RAB40C: variants seen among roughly 807,000 people sequenced by gnomAD.
The protein encoded by RAB40C is RAB40C, member RAS oncogene family, also known as ras-related protein Rab-40C.
Under a neutral mutation model 28.1 loss-of-function variants are expected in RAB40C, and 8 were observed. The observed-to-expected ratio is 0.28, with a 90% CI of 0.17 to 0.51. The LOEUF (loss-of-function observed/expected upper bound fraction) is 0.51. RAB40C is among the 20% of genes least tolerant of loss of function. The probability of loss-of-function intolerance (pLI) is 0.97; values close to 1 mark genes in which losing one functional copy is unlikely to be tolerated. For synonymous variants in RAB40C, 201 were observed against 171.7 expected, an observed-to-expected ratio of 1.17 and a Z score of -1.34; for missense variants, 288 against 405.9, an observed-to-expected ratio of 0.71 and a Z score of 2.50.
Position 600,579 on chromosome 16 carries a change from C to T in RAB40C, c.142+10146C>T, listed in dbSNP as rs553530090. On this transcript the variant is annotated intron_variant, in intron 1 of 5. Transcript: ENST00000248139. ...CGTTCTGACCAACATGGTGAAACCC[C>T]GTCTCTACTAAAAATTCAAAAATTA... 1.5e-3 allele frequency among the ~76,000 whole-genome samples: 226 copies of T among 152,210 alleles called. 1 individual carries two copies. Among genetic ancestry groups the T allele is most frequent in the African/African-American group, 5.2e-3 (214 of 41,532 alleles).
intron 3 of RAB40C, chr16:624,867 C>G (rs1287348801): frequency 1.0e-6 from 1 of 985,344 alleles, no homozygotes; most frequent in East Asian, 1.1e-4. Flanking sequence ...CAGGTGGAAA[C>G]AGCCCAGAGC....
intron 1 of RAB40C, among the ~76,000 whole-genome samples, chr16:602,708 C>T (rs1177718346): frequency 1.3e-5 from 2 of 152,184 alleles, no homozygotes; most frequent in African/African-American, 2.4e-5. Flanking sequence ...GCTGGGATTA[C>T]AGGCGTGAGC....
intron 1 of RAB40C, among the ~76,000 whole-genome samples, chr16:615,685 G>C (rs2036571313): frequency 6.6e-6 from 1 of 152,218 alleles, no homozygotes; most frequent in Non-Finnish European, 1.5e-5. Flanking sequence ...ATGTGGGCCG[G>C]GCACGGTGGC....
At chr16:598,270 T>C (rs2151061621) in intron 1 of RAB40C, among the ~76,000 whole-genome samples, 2 of 151,320 alleles carry the variant, frequency 1.3e-5, no homozygotes, top group South Asian at 4.2e-4. Flanking sequence ...CCCAGCTACT[T>C]GGGAGGCTGA....
intron 1 of RAB40C, among the ~76,000 whole-genome samples, chr16:609,841 C>T (rs1230544619): frequency 6.6e-6 from 1 of 152,036 alleles, no homozygotes; most frequent in Non-Finnish European, 1.5e-5. Flanking sequence ...TGGCGCGGCT[C>T]AGGATGGAGG....
chr16:619,271 G>A (rs1346807516), intron 3 of RAB40C, among the ~76,000 whole-genome samples: 2 of 150,784 alleles, frequency 1.3e-5, no homozygotes, highest in African/African-American at 4.9e-5. Context: ...TGTGTGTGCA[G>A]GTGTGGTGTA....
intron 1 of RAB40C, among the ~76,000 whole-genome samples, chr16:593,382 C>G (rs998764421): frequency 1.3e-5 from 2 of 152,258 alleles, no homozygotes; most frequent in African/African-American, 4.8e-5. Context: ...GTGGGAAGGA[C>G]GTACGTGTTA....
chr16:602,669 G>C (rs1271404659), intron 1 of RAB40C, among the ~76,000 whole-genome samples: 2 of 152,150 alleles, frequency 1.3e-5, no homozygotes, highest in African/African-American at 4.8e-5. Flanking sequence ...CTGACCTCAA[G>C]TGATCCACCC....
chr16:621,364 T>G (rs2036712996), intron 3 of RAB40C, among the ~76,000 whole-genome samples: 1 of 152,228 alleles, frequency 6.6e-6, no homozygotes, highest in African/African-American at 2.4e-5. Context: ...AGACACAGAC[T>G]AGCAAGGACT....
upstream of RAB40C, chr16:590,015 C>A (rs1596392852): frequency 3.7e-5 from 1 of 27,016 alleles, no homozygotes; most frequent in African/African-American, 1.5e-4. Flanking sequence ...CCAATGGGCT[C>A]GGGAGGGCGG....
intron 1 of RAB40C, among the ~76,000 whole-genome samples, chr16:615,924 T>A (rs2036575840): frequency 6.6e-6 from 1 of 151,656 alleles, no homozygotes; most frequent in Non-Finnish European, 1.5e-5. Flanking sequence ...ATTGTGGCAC[T>A]GCACTGCAGC....
intron 1 of RAB40C, among the ~76,000 whole-genome samples, chr16:602,153 A>G (rs2036265785): frequency 6.6e-6 from 1 of 152,148 alleles, no homozygotes; most frequent in African/African-American, 2.4e-5. Context: ...AGGCACATTT[A>G]ATGATTATTC....
chr16:620,450 C>T (rs948090723), intron 3 of RAB40C, among the ~76,000 whole-genome samples: 2 of 152,162 alleles, frequency 1.3e-5, no homozygotes, highest in African/African-American at 4.8e-5. Flanking sequence ...TTCTTGTCTT[C>T]CTTTTGCTTT....
chr16:624,992 C>T, intron 3 of RAB40C: 3 of 1,289,674 alleles, frequency 2.3e-6, no homozygotes, highest in Non-Finnish European at 3.0e-6. Context: ...TGGCATTCTG[C>T]TCTGCAAGTT....
At chr16:603,518 T>A (rs541985568) in intron 1 of RAB40C, among the ~76,000 whole-genome samples, 2 of 152,290 alleles carry the variant, frequency 1.3e-5, no homozygotes, top group Admixed American at 6.5e-5. Context: ...CTCTGATATG[T>A]GTTCAGGCTG....
intron 1 of RAB40C, among the ~76,000 whole-genome samples, chr16:605,020 T>C (rs1219766968): frequency 6.6e-6 from 1 of 152,092 alleles, no homozygotes; most frequent in Non-Finnish European, 1.5e-5. Context: ...ATCATGCCAC[T>C]GCACTCCAGC....
intron 3 of RAB40C, among the ~76,000 whole-genome samples, chr16:620,324 T>C (rs891556784): frequency 6.6e-6 from 1 of 151,408 alleles, no homozygotes; most frequent in African/African-American, 2.4e-5. Context: ...ACCCAGGAGG[T>C]GGAGGTTGCA....
At chr16:624,448 G>A (rs2036784476) in intron 3 of RAB40C, 16 of 985,454 alleles carry the variant, frequency 1.6e-5, no homozygotes, top group Non-Finnish European at 1.9e-5. Context: ...CTGAGCTGTC[G>A]CTCCATCCTG....
At chr16:597,495 A>AT (rs887750512) in intron 1 of RAB40C, among the ~76,000 whole-genome samples, 1 of 141,268 alleles carries the variant, frequency 7.1e-6, no homozygotes, top group Non-Finnish European at 1.6e-5. Flanking sequence ...TTTAATTTTT[A>AT]TTTTTTGAGA....
Sources: allele counts gnomAD v4.1 joint callset (sites outside exome capture counted in the v4.1 genomes callset), GRCh38; gene constraint gnomAD v4.1.1; transcripts MANE v1.5; gene names NCBI Gene and HGNC (gene_info 2026-07-23, HGNC 2026-07-21).